Variants in MYO6 observed in about 807,000 individuals in gnomAD.
MYO6 encodes unconventional myosin-VI.
In MYO6, 74 loss-of-function variants were observed where a neutral mutation model predicts 178.7. That is an observed-to-expected ratio of 0.41 (90% confidence interval 0.34 to 0.50). MYO6 has a LOEUF of 0.50. Ranked by LOEUF, MYO6 falls within the 20% of genes least tolerant of loss-of-function variation. The pLI, the probability that MYO6 is intolerant of heterozygous loss-of-function variation, is 0.09. For synonymous variants in MYO6, 477 were observed against 504.6 expected (o/e 0.95, Z 0.73); for missense variants, 1,330 against 1,547.4 (o/e 0.86, Z 2.36).
At chr6:75,884,138 T>C (rs1476764596) in intron 23 of MYO6, among the ~76,000 whole-genome samples, 1 of 152,206 alleles carries the variant, frequency 6.6e-6, no homozygotes, top group Non-Finnish European at 1.5e-5. Context: ...TGTTCTACAG[T>C]GGTACCGAAG....
At chr6:75,767,537 T>G (rs1035584994) in intron 1 of MYO6, among the ~76,000 whole-genome samples, 2 of 150,864 alleles carry the variant, frequency 1.3e-5, no homozygotes, top group African/African-American at 4.9e-5. Context: ...TTTTTTTTTT[T>G]TTGAGGCAGA....
chr6:75,819,181 T>C (rs1415216813), intron 2 of MYO6, among the ~76,000 whole-genome samples: 1 of 152,256 alleles, frequency 6.6e-6, no homozygotes, highest in Non-Finnish European at 1.5e-5. Context: ...ATAAATTTCA[T>C]GGATCTGTAG....
At chr6:75,827,419 A>C (rs957475861) in intron 3 of MYO6, among the ~76,000 whole-genome samples, 2 of 152,202 alleles carry the variant, frequency 1.3e-5, no homozygotes, top group African/African-American at 4.8e-5. Flanking sequence ...GAATTGTGGA[A>C]AATTATATGA....
chr6:75,816,308 C>T (rs1771239081), intron 1 of MYO6, among the ~76,000 whole-genome samples: 1 of 152,208 alleles, frequency 6.6e-6, no homozygotes, highest in African/African-American at 2.4e-5. Flanking sequence ...ACTAACAGAA[C>T]AGTAGGAATG....
In MYO6 at chr6:75,822,880, C is replaced by T. The variant is rs1951623; in HGVS notation, c.187+29C>T. ...AGTACCAAGTTAAAAATTAACTCTC[C>T]GCACAGAAAAGGAGACTGTTCTTTT... On this transcript the variant is annotated intron_variant, in intron 3 of 34. Coordinates refer to ENST00000369977, the MANE Select transcript of MYO6 (RefSeq NM_004999.4). 245 of 1,540,058 alleles carry T rather than the reference C, an allele frequency of 1.6e-4. 1 individual carries two copies. Among genetic ancestry groups the T allele is most frequent in the East Asian group, 3.2e-4 (14 of 44,352 alleles).
chr6:75,780,306 G>A (rs1766831168), intron 1 of MYO6, among the ~76,000 whole-genome samples: 1 of 152,196 alleles, frequency 6.6e-6, no homozygotes, highest in Admixed American at 6.6e-5. Context: ...GCTGGGTGTG[G>A]TGGTGCACAC....
chr6:75,809,983 C>T (rs1311132712), intron 1 of MYO6, among the ~76,000 whole-genome samples: 1 of 149,186 alleles, frequency 6.7e-6, no homozygotes, highest in African/African-American at 2.5e-5. Context: ...CCTGTAGAGG[C>T]TGAGGCAGGA....
intron 18 of MYO6, among the ~76,000 whole-genome samples, chr6:75,868,784 A>C (rs1295585302): frequency 2.0e-5 from 3 of 152,174 alleles, no homozygotes; most frequent in African/African-American, 7.2e-5. Flanking sequence ...GCATCCCTGG[A>C]AACCAGAAAT....
intron 19 of MYO6, among the ~76,000 whole-genome samples, chr6:75,871,559 G>A (rs187183527): frequency 5.6e-4 from 85 of 152,170 alleles, no homozygotes; most frequent in African/African-American, 1.9e-3. Context: ...TAGAACTTGC[G>A]TATTCTTTTT....
Position 75,778,776 on chromosome 6 carries a change from G to T in MYO6, c.-48+29353G>T, listed in dbSNP as rs542414157. On this transcript the variant is annotated intron_variant, in intron 1 of 34. Coordinates refer to ENST00000369977, the MANE Select transcript of MYO6 (RefSeq NM_004999.4). ...TTAAATACTTAAAAAAAAAATGGAG[G>T]CCAGCTGCAGTGGCTCACGCCTGTA... is the stretch of plus-strand genomic sequence containing the variant. 9.0e-4 allele frequency among the ~76,000 whole-genome samples: 137 copies of T among 151,404 alleles called. 1 individual carries two copies. The highest frequency in any genetic ancestry group is 1.5e-3 in the Non-Finnish European group (99 of 67,912).
At chr6:75,755,755 GTC>G (rs1034153045) in intron 1 of MYO6, among the ~76,000 whole-genome samples, 16 of 152,294 alleles carry the variant, frequency 1.1e-4, no homozygotes, top group African/African-American at 3.8e-4. Flanking sequence ...GTACTGTAGT[GTC>G]TACCACGGAC....
chr6:75,855,521 G>A (rs1775657757), intron 12 of MYO6, among the ~76,000 whole-genome samples: 1 of 152,118 alleles, frequency 6.6e-6, no homozygotes, highest in African/African-American at 2.4e-5. Context: ...ATGAAAATAT[G>A]AGCTGATGGT....
intron 25 of MYO6, among the ~76,000 whole-genome samples, chr6:75,888,116 G>A (rs1325881981): frequency 1.3e-5 from 2 of 151,126 alleles, no homozygotes; most frequent in African/African-American, 4.9e-5. Context: ...ATAGTGAATC[G>A]CCGTCTCTAC....
chr6:75,861,805 A>T (rs568056804), intron 15 of MYO6, among the ~76,000 whole-genome samples: 2 of 152,180 alleles, frequency 1.3e-5, no homozygotes, highest in Non-Finnish European at 2.9e-5. Flanking sequence ...TTCACATTTC[A>T]CTTGGTCCAC....
intron 18 of MYO6, among the ~76,000 whole-genome samples, 187 bp from the exon 19 acceptor site, chr6:75,870,460 C>T (rs1180148665): frequency 6.6e-6 from 1 of 152,148 alleles, no homozygotes; most frequent in Non-Finnish European, 1.5e-5. Context: ...TCTTGCATTA[C>T]ATTAGCCATT....
At position 75,916,826 on chromosome 6, in the gene MYO6, G is replaced by A. The variant is rs1021324652; in HGVS notation, c.*1814G>A. ...AAGAGTTAAACATATTTAAATGAGAGAATCTAATGTTTCAGAAATTTGTAA... is the reference window on the plus strand; with the variant it reads ...AAGAGTTAAACATATTTAAATGAGAAAATCTAATGTTTCAGAAATTTGTAA... On this transcript the variant is annotated 3_prime_UTR_variant, in exon 35 of 35. Transcript: ENST00000369977. 6.6e-6 allele frequency: 1 copy of A among 152,092 alleles called. No individual in the cohort carries two copies. Among genetic ancestry groups the A allele is most frequent in the Non-Finnish European group, 1.5e-5 (1 of 68,022 alleles). 9.4% of individuals were successfully genotyped at this position (152,092 alleles called of 1,614,324 possible). A position where few individuals can be genotyped will look rare whatever the true frequency, so the allele number is the denominator to read the frequency against.
intron 1 of MYO6, among the ~76,000 whole-genome samples, chr6:75,779,560 A>G (rs546411696): frequency 4.6e-5 from 7 of 152,132 alleles, no homozygotes; most frequent in African/African-American, 1.2e-4. Flanking sequence ...TTGAGACAGC[A>G]TATCTGTTTT....
intron 26 of MYO6, 21 bp from the exon 27 acceptor site, chr6:75,891,207 G>GA: frequency 6.6e-7 from 1 of 1,515,866 alleles, no homozygotes; most frequent in Non-Finnish European, 9.1e-7. Flanking sequence ...AATTTTTGAA[G>GA]AGTTTTCTAT....
chr6:75,866,290 T>TGTGTGTGG (rs1776684936), intron 16 of MYO6, among the ~76,000 whole-genome samples: 1 of 151,624 alleles, frequency 6.6e-6, no homozygotes, highest in Non-Finnish European at 1.5e-5. Context: ...TGTGTGTGTG[T>TGTGTGTGG]GTGTGTGTGT....
Sources: allele counts gnomAD v4.1 joint callset (sites outside exome capture counted in the v4.1 genomes callset), GRCh38; gene constraint gnomAD v4.1.1; transcripts MANE v1.5; gene names NCBI Gene and HGNC (gene_info 2026-07-23, HGNC 2026-07-21).